Variants in SRRM2 observed in about 807,000 individuals in gnomAD.
The protein encoded by SRRM2 is serine/arginine repetitive matrix protein 2.
SRRM2 carries 30 observed loss-of-function variants against 213.8 expected under a neutral mutation model. The observed-to-expected ratio is 0.14, with a 90% CI of 0.10 to 0.19. The LOEUF is 0.19. Among genes scored for constraint, SRRM2 ranks in the 10% least tolerant of loss-of-function variants. The probability of loss-of-function intolerance (pLI) is 1.00; values close to 1 mark genes in which losing one functional copy is unlikely to be tolerated. For missense variants in SRRM2, 4,904 were observed against 3,647.0 expected (o/e 1.34, Z -8.88); for synonymous variants, 2,025 against 1,377.7 (o/e 1.47, Z -10.40).
chr16:2,754,884 C>T (rs1368090684), intron 1 of SRRM2, among the ~76,000 whole-genome samples: 2 of 152,132 alleles, frequency 1.3e-5, no homozygotes, highest in African/African-American at 2.4e-5. Context: ...TCTTCTGTCA[C>T]CTTCTGCTTT....
rs751586611 is a variant in SRRM2 at position 2,771,287 on chromosome 16, C to T, written c.*420C>T. 5 of 915,206 alleles carry T rather than the reference C, an allele frequency of 5.5e-6. No homozygotes were observed. The highest frequency in any genetic ancestry group is 1.4e-5 in the South Asian group (1 of 73,398). The allele number at this position is 915,206 out of a possible 1,614,324, so 56.7% of individuals were successfully genotyped here. Reference sequence around the variant, plus strand: ...AGGAGTTGGAATTAGTTGGTCCCTACTGTCCCCCATGAGGTTGTGAACCCC... The same window carrying T: ...AGGAGTTGGAATTAGTTGGTCCCTATTGTCCCCCATGAGGTTGTGAACCCC... On this transcript the variant is annotated 3_prime_UTR_variant, in exon 15 of 15. Coordinates refer to ENST00000301740, the MANE Select transcript of SRRM2 (RefSeq NM_016333.4).
chr16:2,758,440 C>G (rs1230691555), intron 4 of SRRM2, 30 bp from the exon 5 acceptor site: 6 of 1,555,500 alleles, frequency 3.9e-6, no homozygotes, highest in Non-Finnish European at 5.3e-6. Context: ...GTTCTACCAC[C>G]CATCTCTGCT....
At position 2,756,431 on chromosome 16, in the gene SRRM2, C is replaced by T; in HGVS notation, c.67C>T (p.Leu23=). ...CACCAACGGCTACGTCCAGCGCAACCTGTCCCTGGTGCGGGGCCGCCGGGG... is the reference window on the plus strand; with the variant it reads ...CACCAACGGCTACGTCCAGCGCAACTTGTCCCTGGTGCGGGGCCGCCGGGG... ...SGTNGYVQRN[L]SLVRGRRGER... is the part of the protein sequence containing the mutation. Residue 23 remains leucine, a synonymous_variant, in exon 2 of 15, where the codon CTG becomes TTG. Transcript: ENST00000301740. 1 of 1,612,140 alleles carries T rather than the reference C, an allele frequency of 6.2e-7. No individual in the cohort carries two copies. The highest frequency in any genetic ancestry group is 8.5e-7 in the Non-Finnish European group (1 of 1,179,294).
chr16:2,769,998 T>C (rs2068684726), intron 12 of SRRM2: 2 of 530,884 alleles, frequency 3.8e-6, no homozygotes, highest in Admixed American at 5.9e-5. Context: ...TCGAGAAGAC[T>C]GCCCTGCCCC....
Position 2,762,612 on chromosome 16 carries a change from G to A in SRRM2, c.2084G>A (p.Arg695Lys), listed in dbSNP as rs763836530. The A allele has an allele frequency of 2.5e-6, 4 of 1,614,028 alleles. No homozygotes were observed. Among genetic ancestry groups the A allele is most frequent in the African/African-American group, 2.7e-5 (2 of 74,916 alleles). Residue 695 changes from arginine to lysine, a missense_variant, in exon 11 of 15, where the codon AGG becomes AAG. Physicochemically the swap from Arg to Lys is conservative, Grantham distance 26. Transcript: ENST00000301740. Reference sequence around the variant, plus strand: ...GCCAGGAGAGGGAGGTCTCGGTCTAGGACACCAAGACGAGGAAGATCCCGC... The same window carrying A: ...GCCAGGAGAGGGAGGTCTCGGTCTAAGACACCAAGACGAGGAAGATCCCGC... The part of the protein sequence containing the change: ...TPARRGRSRS[R>K]TPRRGRSRSR...
intron 13 of SRRM2, 26 bp downstream of exon 13, chr16:2,770,491 C>A: frequency 6.3e-7 from 1 of 1,587,540 alleles, no homozygotes; most frequent in Non-Finnish European, 8.6e-7. Flanking sequence ...GGTGTCAGCA[C>A]CCAGCCTGTC....
chr16:2,767,581 T>G lies in SRRM2; in HGVS notation c.7053T>G (p.Asn2351Lys). The G allele has an allele frequency of 6.2e-7, 1 of 1,614,168 alleles. No homozygotes were observed. The highest frequency in any genetic ancestry group is 8.5e-7 in the Non-Finnish European group (1 of 1,180,024). The change falls in exon 11 of 15, where the codon AAT becomes AAG. Residue 2351 changes from asparagine (N) to lysine (K), a missense_variant. Physicochemically the swap from Asn to Lys is moderately conservative, Grantham distance 94. Transcript: ENST00000301740. ...CTGCACATGCCACAGCTCCTGTGAATATTGCCGGCTCCAGAACCGCCGCAG... is the reference window on the plus strand; with the variant it reads ...CTGCACATGCCACAGCTCCTGTGAAGATTGCCGGCTCCAGAACCGCCGCAG... ...PRSAHATAPVNIAGSRTAAAL... is the reference protein window; with the variant it reads ...PRSAHATAPVKIAGSRTAAAL...
Position 2,770,623 on chromosome 16 carries a change from T to G in SRRM2, c.8155T>G (p.Ser2719Ala). ...DQQSSSSERG[S>A]RRGQRGDSRS... is the part of the protein sequence containing the mutation. ...TTGCAGCAGCAGCAGTGAGCGGGGT[T>G]CCCGGAGAGGCCAGCGTGGGGACAG... The change falls in exon 14 of 15, where the codon TCC becomes GCC. Residue 2719 changes from serine to alanine, a missense_variant. By Grantham distance (99) the Ser-to-Ala change is moderately conservative (BLOSUM62 1). Transcript: ENST00000301740. The G allele has an allele frequency of 6.4e-7, 1 of 1,552,802 alleles. No homozygotes were observed. The highest frequency in any genetic ancestry group is 8.7e-7 in the Non-Finnish European group (1 of 1,147,878).
intron 12 of SRRM2, chr16:2,770,060 A>T (rs1567249873): frequency 8.7e-7 from 1 of 1,148,896 alleles, no homozygotes; most frequent in Non-Finnish European, 1.2e-6. Context: ...AGCCACGCAC[A>T]TCCAGCCCTG....
In SRRM2 at chr16:2,765,404, G is replaced by T. The variant is rs1289736323; in HGVS notation, c.4876G>T (p.Ala1626Ser). The T allele has an allele frequency of 1.2e-6, 2 of 1,614,156 alleles. No individual in the cohort carries two copies. Among genetic ancestry groups the T allele is most frequent in the South Asian group, 1.1e-5 (1 of 91,086 alleles). Residue 1626 changes from alanine to serine, a missense_variant, in exon 11 of 15, where the codon GCT (alanine) becomes TCT (serine). Physicochemically the swap from Ala to Ser is moderately conservative, Grantham distance 99. Coordinates refer to ENST00000301740, the MANE Select transcript of SRRM2 (RefSeq NM_016333.4). ...SGSDSSPEPK[A>S]PAPRALPRRS... ...TTCTGATTCCTCTCCTGAACCTAAA[G>T]CTCCAGCCCCTCGGGCCCTTCCCAG...
At position 2,761,617 on chromosome 16, in the gene SRRM2, A is replaced by G; in HGVS notation, c.1089A>G (p.Pro363=). 1 of 1,554,148 alleles carries G rather than the reference A, an allele frequency of 6.4e-7. No individual in the cohort carries two copies. The highest frequency in any genetic ancestry group is 8.7e-7 in the Non-Finnish European group (1 of 1,155,378). ...SPERSSTGPE[P]PAPTPLLAER... is the part of the protein sequence containing the mutation. ...AAAGGAGCAGCACAGGCCCAGAACCACCTGCTCCCACTCCGCTCCTTGCTG... is the reference window on the plus strand; with the variant it reads ...AAAGGAGCAGCACAGGCCCAGAACCGCCTGCTCCCACTCCGCTCCTTGCTG... The change falls in exon 11 of 15, where the codon CCA becomes CCG. Residue 363 remains proline, a synonymous_variant. Transcript: ENST00000301740.
Position 2,765,001 on chromosome 16 carries a change from G to T in SRRM2, c.4473G>T (p.Gln1491His). The change falls in exon 11 of 15, where the codon CAG becomes CAT. Residue 1491 changes from glutamine to histidine, a missense_variant. Gln to His is a conservative substitution (Grantham distance 24). Coordinates refer to ENST00000301740, the MANE Select transcript of SRRM2 (RefSeq NM_016333.4). Reference protein sequence around the residue: ...DSSPEPKALPQTPRPRSRSPS... With the variant: ...DSSPEPKALPHTPRPRSRSPS... The stretch of plus-strand genomic sequence containing the variant: ...CCCCAGAACCGAAAGCTTTGCCTCA[G>T]ACTCCTAGGCCGAGGAGTCGTTCTC... 1 of 1,614,032 alleles carries T rather than the reference G, an allele frequency of 6.2e-7. No individual in the cohort carries two copies. The highest frequency in any genetic ancestry group is 8.5e-7 in the Non-Finnish European group (1 of 1,180,016).
Position 2,771,007 on chromosome 16 carries a change from C to T in SRRM2, c.*140C>T, listed in dbSNP as rs138948846. Reference sequence around the variant, plus strand: ...CCCTTGGATGGAGGGCTCCCTTTCCCTCCCCTTTTTTTTTTCTTTGTTCCT... The same window carrying T: ...CCCTTGGATGGAGGGCTCCCTTTCCTTCCCCTTTTTTTTTTCTTTGTTCCT... On this transcript the variant is annotated 3_prime_UTR_variant, in exon 15 of 15. Coordinates refer to ENST00000301740, the MANE Select transcript of SRRM2 (RefSeq NM_016333.4). The T allele has an allele frequency of 1.7e-4, 174 of 997,320 alleles. No homozygotes were observed. In the African/African-American group the frequency reaches 2.7e-3, roughly 15 times the overall value. The allele number at this position is 997,320 out of a possible 1,614,324, so 61.8% of individuals were successfully genotyped here. A position where few individuals can be genotyped will look rare whatever the true frequency, so the allele number is the denominator to read the frequency against.
At position 2,762,858 on chromosome 16, in the gene SRRM2, G is replaced by A. The variant is rs148200515; in HGVS notation, c.2330G>A (p.Arg777His). ...GCAAAATCTCGCTTGTCTTTGAGGC[G>A]CAGCCTTTCAGGGTCTTCCCCATGC... ...SKAKSRLSLR[R>H]SLSGSSPCPK... Residue 777 changes from arginine (R) to histidine (H), a missense_variant, in exon 11 of 15, where the codon CGC (arginine) becomes CAC (histidine). Transcript: ENST00000301740. The A allele has an allele frequency of 3.4e-5, 55 of 1,613,974 alleles. No homozygotes were observed. Among genetic ancestry groups the A allele is most frequent in the Non-Finnish European group, 4.3e-5 (51 of 1,180,018 alleles).
chr16:2,763,233 G>T lies in SRRM2; in HGVS notation c.2705G>T (p.Ser902Ile). The part of the protein sequence containing the change: ...SGSSPPRVKS[S>I]TPPRQSPSRS... ...TCCTCTCCTCCTAGAGTGAAATCTA[G>T]CACACCTCCCAGACAGAGCCCATCT... The change falls in exon 11 of 15, where the codon AGC becomes ATC. Residue 902 changes from serine (S) to isoleucine (I), a missense_variant. Transcript: ENST00000301740. 6.2e-7 allele frequency: 1 copy of T among 1,614,010 alleles called. No individual in the cohort carries two copies. Among genetic ancestry groups the T allele is most frequent in the Non-Finnish European group, 8.5e-7 (1 of 1,179,994 alleles).
chr16:2,765,540 G>A lies in SRRM2; in HGVS notation c.5012G>A (p.Gly1671Asp). Residue 1671 changes from glycine to aspartate, a missense_variant, in exon 11 of 15, where the codon GGT becomes GAT. Transcript: ENST00000301740. Reference protein sequence around the residue: ...HPPKSRTARRGSRSSPEPKTK... With the variant: ...HPPKSRTARRDSRSSPEPKTK... ...CCCAAATCCAGAACTGCTCGCAGAG[G>A]TTCCAGGTCATCACCAGAGCCCAAG... 1 of 1,614,182 alleles carries A rather than the reference G, an allele frequency of 6.2e-7. No individual in the cohort carries two copies. Among genetic ancestry groups the A allele is most frequent in the Non-Finnish European group, 8.5e-7 (1 of 1,180,032 alleles).
intron 9 of SRRM2, chr16:2,759,917 T>G (rs888586035): frequency 3.5e-5 from 18 of 510,598 alleles, no homozygotes; most frequent in South Asian, 5.2e-5. Context: ...ATAGGGGGGG[T>G]GGTGGTTTGT....
In SRRM2 at chr16:2,764,727, A is replaced by G. The variant is rs1408800720; in HGVS notation, c.4199A>G (p.Gln1400Arg). 6.2e-7 allele frequency: 1 copy of G among 1,614,186 alleles called. No individual in the cohort carries two copies. The highest frequency in any genetic ancestry group is 1.7e-5 in the Admixed American group (1 of 60,032). The change falls in exon 11 of 15, where the codon CAG (glutamine) becomes CGG (arginine). Residue 1400 changes from glutamine (Q) to arginine (R), a missense_variant. Physicochemically the swap from Gln to Arg is conservative, Grantham distance 43 (BLOSUM62 1). Coordinates refer to ENST00000301740, the MANE Select transcript of SRRM2 (RefSeq NM_016333.4). ...AVEKAGMSSNQSISSPVLDAV... is the reference protein window; with the variant it reads ...AVEKAGMSSNRSISSPVLDAV... ...GAAAAGGCAGGGATGTCTTCAAATC[A>G]GAGCATCTCTTCACCTGTGCTTGAT...
chr16:2,757,755 C>T, intron 3 of SRRM2, 26 bp from the exon 4 acceptor site: 4 of 1,611,000 alleles, frequency 2.5e-6, no homozygotes, highest in South Asian at 1.1e-5. Context: ...ATATTTCCTT[C>T]AGACTTTTGC....
Sources: allele counts gnomAD v4.1 joint callset (sites outside exome capture counted in the v4.1 genomes callset), GRCh38; gene constraint gnomAD v4.1.1; transcripts MANE v1.5; gene names NCBI Gene and HGNC (gene_info 2026-07-23, HGNC 2026-07-21).